The following PRH1 variants were observed in gnomAD, a reference collection of about 807,000 sequenced individuals.
PRH1 encodes salivary acidic proline-rich phosphoprotein 1/2.
PRH1 carries 7 observed loss-of-function variants against 7.9 expected under a neutral mutation model. The observed-to-expected ratio is 0.89, with a 90% CI of 0.50 to 1.67. The LOEUF is 1.67. PRH1 is among the 40% of genes most tolerant of loss of function. PRH1 has a pLI of 0.00. For synonymous variants in PRH1, 45 were observed against 80.8 expected (o/e 0.56, Z 2.38); for missense variants, 109 against 223.6 (o/e 0.49, Z 3.27).
chr12:11,138,437 A>C (rs979850716), intron 1 of PRH1, among the ~76,000 whole-genome samples: 1 of 152,218 alleles, frequency 6.6e-6, no homozygotes, highest in Non-Finnish European at 1.5e-5. Context: ...CAAAATATTT[A>C]ACCCAAAATG....
chr12:11,000,989 G>T (rs1940560986), intron 1 of PRH1, among the ~76,000 whole-genome samples: 1 of 146,854 alleles, frequency 6.8e-6, no homozygotes, highest in Admixed American at 7.0e-5. Flanking sequence ...TGGGTTCTTT[G>T]TTCAGTTGGT....
intron 2 of PRH1, among the ~76,000 whole-genome samples, chr12:10,943,225 C>T (rs1273172438): frequency 2.6e-5 from 4 of 152,148 alleles, no homozygotes; most frequent in Admixed American, 1.3e-4. Flanking sequence ...GCCTCCCATC[C>T]ACCATGATGG....
chr12:11,100,975 T>A (rs956242565), intron 1 of PRH1, among the ~76,000 whole-genome samples: 1 of 152,134 alleles, frequency 6.6e-6, no homozygotes, highest in Non-Finnish European at 1.5e-5. Flanking sequence ...TTTTAATACA[T>A]TTAATTTAAT....
chr12:10,884,314 C>G, upstream of PRH1: 1 of 1,536,190 alleles, frequency 6.5e-7, no homozygotes, highest in African/African-American at 1.4e-5. Flanking sequence ...CATTTGAGCT[C>G]CCTACCAGGT....
At chr12:11,077,342 C>G (rs1944326349) in intron 1 of PRH1, 1 of 337,962 alleles carries the variant, frequency 3.0e-6, no homozygotes, top group East Asian at 3.6e-5. Flanking sequence ...TGTCCTTTCA[C>G]TAAGCATGTG....
In PRH1 at chr12:11,029,800, A is replaced by C. The variant is rs867048467; in HGVS notation, c.-126+17220T>G. On this transcript the variant is annotated intron_variant, in intron 1 of 3. Transcript: ENST00000539853. ...TACTCTGCATATGCTTCTCACTCAA[A>C]TTCTACTGTGTGCATTCTTTTCTAA... Among the ~76,000 whole-genome samples the C allele has an allele frequency of 2.6e-5, 4 of 152,106 alleles. No individual in the cohort carries two copies. The South Asian group carries it at 8.3e-4, about 32-fold the overall frequency.
intron 1 of PRH1, among the ~76,000 whole-genome samples, chr12:10,977,456 A>C (rs1939158890): frequency 6.6e-6 from 1 of 152,204 alleles, no homozygotes; most frequent in South Asian, 2.1e-4. Context: ...AAGCCACATC[A>C]TACCGAATGA....
chr12:11,016,950 T>A (rs1330235062), intron 1 of PRH1, among the ~76,000 whole-genome samples: 4 of 152,234 alleles, frequency 2.6e-5, no homozygotes, highest in African/African-American at 9.6e-5. Context: ...GATGGTAGTC[T>A]TTTTATATGC....
Position 11,156,869 on chromosome 12 carries a change from G to A in PRH1, n.39+14553C>T, listed in dbSNP as rs190625689. Among the ~76,000 whole-genome samples the A allele has an allele frequency of 2.6e-4, 35 of 134,316 alleles. No individual in the cohort carries two copies. The East Asian group carries it at 6.5e-3, about 25-fold the overall frequency. 88.1% of individuals were successfully genotyped at this position (134,316 alleles called of 152,430 possible). The stretch of plus-strand genomic sequence containing the variant: ...ATTTTTTTTTTTTTTTTTTTTAGAC[G>A]CAGGCTTGCTCTGTCACCCAGGCTG... On this transcript the variant is annotated intron_variant and non_coding_transcript_variant, in intron 1 of 1. Transcript: ENST00000541175.
intron 1 of PRH1, among the ~76,000 whole-genome samples, chr12:11,002,906 T>C (rs909407988): frequency 2.6e-5 from 4 of 152,072 alleles, no homozygotes; most frequent in Non-Finnish European, 5.9e-5. Context: ...GGGATAAATG[T>C]AGCAAAAATT....
intron 1 of PRH1, among the ~76,000 whole-genome samples, chr12:11,076,358 T>G (rs1944289843): frequency 5.4e-5 from 1 of 18,362 alleles, no homozygotes; most frequent in Admixed American, 1.0e-3. Flanking sequence ...TAACGAAAGT[T>G]TAACATTTAA....
At chr12:11,109,269 G>C (rs1339616274) in intron 1 of PRH1, among the ~76,000 whole-genome samples, 1 of 152,166 alleles carries the variant, frequency 6.6e-6, no homozygotes, top group Non-Finnish European at 1.5e-5. Flanking sequence ...TTTCCTGCCT[G>C]ACACTCTGAA....
At chr12:10,971,072 G>A (rs1241187776) in intron 2 of PRH1, among the ~76,000 whole-genome samples, 1 of 137,316 alleles carries the variant, frequency 7.3e-6, no homozygotes, top group Non-Finnish European at 1.6e-5. Context: ...TAAAAGCACA[G>A]TAAGAGAAAA....
rs143428073 is a variant in PRH1, at chr12:11,109,788, C to T, written n.123+61634G>A. The stretch of plus-strand genomic sequence containing the variant: ...TCTTCCAAAGGATCACAACTCCTCA[C>T]CAGCAAGGGAACAAAACTGGACAGA... On this transcript the variant is annotated intron_variant and non_coding_transcript_variant, in intron 1 of 4. Transcript: ENST00000541977. Among the ~76,000 whole-genome samples, 79 of 152,162 alleles carry T rather than the reference C, an allele frequency of 5.2e-4. No individual in the cohort carries two copies. The East Asian group carries it at 0.015, about 29-fold the overall frequency.
At chr12:10,986,671 A>T in intron 1 of PRH1, 1 of 1,612,306 alleles carries the variant, frequency 6.2e-7, no homozygotes, top group Non-Finnish European at 8.5e-7. Context: ...TACCAATTTA[A>T]TAATAATGCC....
At chr12:11,021,563 A>T in intron 1 of PRH1, 1 of 887,794 alleles carries the variant, frequency 1.1e-6, no homozygotes, top group Admixed American at 2.8e-5. Context: ...ACTATGGAAA[A>T]ACTGATAGAA....
chr12:10,986,631 C>CTT lies in PRH1; in HGVS notation c.-125-12911_-125-12910insAA, dbSNP rs758310963. 6 of 1,613,250 alleles carry CTT rather than the reference C, an allele frequency of 3.7e-6. No homozygotes were observed. In the African/African-American group the frequency reaches 8.0e-5, roughly 22 times the overall value. On this transcript the variant is annotated intron_variant, in intron 1 of 3. Coordinates refer to the PRH1 transcript ENST00000539853. ...ATAAGAAGTAATTCTTAATTCTACACTATAAAAAGCTGGATTCAACACAGT... is the reference window on the plus strand; with the variant it reads ...ATAAGAAGTAATTCTTAATTCTACACTTTATAAAAAGCTGGATTCAACACAGT...
At position 11,031,224 on chromosome 12, in the gene PRH1, T is replaced by C. The variant is rs766026832; in HGVS notation, c.-126+15796A>G. The stretch of plus-strand genomic sequence containing the variant: ...TGGTCAGCAAAAGAGATCTTTTGTC[T>C]CTTGACCCGCTCAATGGAATTTACC... On this transcript the variant is annotated intron_variant, in intron 1 of 3. Transcript: ENST00000539853. 2 of 1,614,122 alleles carry C rather than the reference T, an allele frequency of 1.2e-6. No homozygotes were observed. The highest frequency in any genetic ancestry group is 1.7e-6 in the Non-Finnish European group (2 of 1,179,980).
chr12:11,151,155 T>C (rs951981279), intron 1 of PRH1, among the ~76,000 whole-genome samples: 3 of 152,186 alleles, frequency 2.0e-5, no homozygotes, highest in Non-Finnish European at 4.4e-5. Flanking sequence ...TCTTTTCCTG[T>C]CTTGGGATTT....
Sources: gnomAD v4.1 joint callset for allele counts (sites outside exome capture counted in the v4.1 genomes callset) on GRCh38, gnomAD v4.1.1 for gene constraint, MANE v1.5 for transcripts, NCBI Gene and HGNC (gene_info 2026-07-23, HGNC 2026-07-21) for gene names.